Variants in KBTBD12 observed in about 807,000 individuals in gnomAD.
KBTBD12 encodes the protein kelch repeat and BTB domain-containing protein 12.
A neutral mutation model predicts 58.7 loss-of-function variants in KBTBD12; 53 were observed. That is an observed-to-expected ratio of 0.90 (90% CI 0.72 to 1.14). The LOEUF is 1.14. Ranked by LOEUF, KBTBD12 falls within the 50% of genes most tolerant of loss-of-function variation. The pLI is 0.00. For synonymous variants in KBTBD12, 236 were observed against 259.8 expected, an observed-to-expected ratio of 0.91 and a Z score of 0.88; for missense variants, 704 against 751.3, an observed-to-expected ratio of 0.94 and a Z score of 0.74.
intron 5 of KBTBD12, 103 bp from the exon 6 acceptor site, chr3:127,983,994 C>T: frequency 1.2e-6 from 1 of 869,124 alleles, no homozygotes; most frequent in South Asian, 1.6e-5. Context: ...AGCAAGTGGA[C>T]TAAGACATTG....
chr3:127,956,086 G>T (rs1045502532), intron 4 of KBTBD12, among the ~76,000 whole-genome samples: 1 of 152,082 alleles, frequency 6.6e-6, no homozygotes, highest in Non-Finnish European at 1.5e-5. Flanking sequence ...AAAAAGACTT[G>T]GATTTAGAGA....
At chr3:127,921,860 A>C (rs1939418288) in intron 1 of KBTBD12, among the ~76,000 whole-genome samples, 1 of 152,132 alleles carries the variant, frequency 6.6e-6, no homozygotes, top group Non-Finnish European at 1.5e-5. Flanking sequence ...GGACCATTTC[A>C]CTTCTCAAAA....
intron 5 of KBTBD12, among the ~76,000 whole-genome samples, chr3:127,975,282 A>C (rs1424467953): frequency 6.6e-6 from 1 of 152,214 alleles, no homozygotes; most frequent in Non-Finnish European, 1.5e-5. Context: ...CTAACTTCCT[A>C]TCTGACCCCC....
In KBTBD12 at chr3:127,915,504, C is replaced by G. The variant is rs1351331134; in HGVS notation, c.-195C>G. ...TGGGCAGTGGCCTCAGTCAGGCCCG[C>G]TGGCCGCCCTGCCACACGGTAGCGT... On this transcript the variant is annotated 5_prime_UTR_variant, in exon 1 of 6. Transcript: ENST00000405109. 1 of 152,460 alleles carries G rather than the reference C, an allele frequency of 6.6e-6. No individual in the cohort carries two copies. Among genetic ancestry groups the G allele is most frequent in the Non-Finnish European group, 1.5e-5 (1 of 68,234 alleles). The allele number at this position is 152,460 out of a possible 1,614,324, so 9.4% of individuals were successfully genotyped here.
At position 127,923,827 on chromosome 3, in the gene KBTBD12, G is replaced by A. The variant is rs1939491502; in HGVS notation, c.766G>A (p.Ala256Thr). 7 of 1,613,902 alleles carry A rather than the reference G, an allele frequency of 4.3e-6. No homozygotes were observed. The highest frequency in any genetic ancestry group is 4.2e-6 in the Non-Finnish European group (5 of 1,179,830). ...TGACATAATTCAAAATGCATTCAAA[G>A]CCATCAAGACACCCCAACAGCACTC... ...CVDIIQNAFKAIKTPQQHSLN... is the reference protein window; with the variant it reads ...CVDIIQNAFKTIKTPQQHSLN... The change falls in exon 2 of 6, where the codon GCC becomes ACC. Residue 256 changes from alanine (A) to threonine (T), a missense_variant. Physicochemically the swap from Ala to Thr is moderately conservative, Grantham distance 58 (BLOSUM62 0). Coordinates refer to ENST00000405109, the MANE Select transcript of KBTBD12 (RefSeq NM_207335.4).
intron 5 of KBTBD12, among the ~76,000 whole-genome samples, chr3:127,979,096 G>T (rs577033673): frequency 2.6e-5 from 4 of 152,150 alleles, no homozygotes; most frequent in Non-Finnish European, 4.4e-5. Context: ...GTCAGTTTTT[G>T]ATTTTCTGCT....
intron 5 of KBTBD12, among the ~76,000 whole-genome samples, chr3:127,979,657 A>G (rs929548390): frequency 6.6e-6 from 1 of 152,226 alleles, no homozygotes; most frequent in African/African-American, 2.4e-5. Flanking sequence ...ACTCTATTGG[A>G]CAGCACAGAT....
At chr3:127,961,143 A>G (rs1940431099) in intron 4 of KBTBD12, among the ~76,000 whole-genome samples, 1 of 152,240 alleles carries the variant, frequency 6.6e-6, no homozygotes, top group Non-Finnish European at 1.5e-5. Context: ...CAACTAGATC[A>G]TCTTACTCTT....
chr3:127,925,259 G>A (rs540928034), intron 2 of KBTBD12, among the ~76,000 whole-genome samples: 1 of 152,264 alleles, frequency 6.6e-6, no homozygotes, highest in South Asian at 2.1e-4. Flanking sequence ...TGAGCCACAG[G>A]AGCAGCCTTC....
chr3:127,933,982 A>G (rs1462770088), intron 4 of KBTBD12, among the ~76,000 whole-genome samples: 1 of 152,128 alleles, frequency 6.6e-6, no homozygotes, highest in Admixed American at 6.5e-5. Flanking sequence ...AGTTGCCACA[A>G]TATATTATCC....
chr3:127,966,613 A>G (rs1372538664), intron 5 of KBTBD12, among the ~76,000 whole-genome samples: 1 of 152,250 alleles, frequency 6.6e-6, no homozygotes, highest in Non-Finnish European at 1.5e-5. Context: ...AATTAGAGAA[A>G]GAGAAGTTGA....
intron 5 of KBTBD12, among the ~76,000 whole-genome samples, chr3:127,979,167 A>G (rs754026011): frequency 1.3e-5 from 2 of 152,266 alleles, no homozygotes; most frequent in Non-Finnish European, 2.9e-5. Context: ...CTAGAATAAT[A>G]TGGCATAATA....
intron 4 of KBTBD12, among the ~76,000 whole-genome samples, chr3:127,958,312 A>G (rs1940360383): frequency 6.6e-6 from 1 of 152,132 alleles, no homozygotes; most frequent in Non-Finnish European, 1.5e-5. Context: ...CTGCTGTGGC[A>G]TCTATGGGCC....
chr3:127,945,220 T>C (rs1464867613), intron 4 of KBTBD12, among the ~76,000 whole-genome samples: 6 of 123,840 alleles, frequency 4.8e-5, no homozygotes, highest in Non-Finnish European at 6.5e-5. Flanking sequence ...AGTCTCGCTC[T>C]GTCGCCCAGG....
intron 2 of KBTBD12, among the ~76,000 whole-genome samples, chr3:127,925,370 C>T (rs60946184): frequency 0.056 from 8,578 of 152,172 alleles, 276 homozygotes; most frequent in East Asian, 0.098. Context: ...TCCATGCCAC[C>T]AGTTTTACAC....
intron 4 of KBTBD12, among the ~76,000 whole-genome samples, chr3:127,948,378 T>A (rs1940132404): frequency 6.6e-6 from 1 of 152,208 alleles, no homozygotes; most frequent in Non-Finnish European, 1.5e-5. Context: ...TATTGGTTGA[T>A]GCTGGCCCCG....
At chr3:127,966,200 G>A (rs1940563996) in intron 5 of KBTBD12, among the ~76,000 whole-genome samples, 1 of 152,198 alleles carries the variant, frequency 6.6e-6, no homozygotes, top group African/African-American at 2.4e-5. Flanking sequence ...CTCAGAATAT[G>A]CACAGCCATA....
At chr3:127,945,658 A>G (rs1940065361) in intron 4 of KBTBD12, among the ~76,000 whole-genome samples, 1 of 147,392 alleles carries the variant, frequency 6.8e-6, no homozygotes, top group African/African-American at 2.5e-5. Flanking sequence ...GTTGAGTCTG[A>G]ACTGGTCTTC....
intron 4 of KBTBD12, among the ~76,000 whole-genome samples, chr3:127,951,539 CT>C (rs1251897454): frequency 7.9e-5 from 12 of 152,208 alleles, no homozygotes; most frequent in Non-Finnish European, 1.5e-4. Context: ...GTCATGGTCA[CT>C]GAAGCAAGTT....
Sources: gnomAD v4.1 joint callset for allele counts (sites outside exome capture counted in the v4.1 genomes callset) on GRCh38, gnomAD v4.1.1 for gene constraint, MANE v1.5 for transcripts, NCBI Gene and HGNC (gene_info 2026-07-23, HGNC 2026-07-21) for gene names.